CMKLR1: variants seen among roughly 807,000 people sequenced by gnomAD.
The protein encoded by CMKLR1 is chemerin-like receptor 1.
Under a neutral mutation model 8.2 loss-of-function variants are expected in CMKLR1, and 6 were observed. The observed-to-expected ratio is 0.73, with a 90% CI of 0.40 to 1.44. The LOEUF (loss-of-function observed/expected upper bound fraction) is 1.44, where lower values mean the gene tolerates loss of function less well. Ranked by LOEUF, CMKLR1 falls within the 40% of genes most tolerant of loss-of-function variation. CMKLR1 has a pLI of 0.02. For missense variants in CMKLR1, 429 were observed against 478.0 expected, an observed-to-expected ratio of 0.90 and a Z score of 0.96; for synonymous variants, 178 against 181.2, an observed-to-expected ratio of 0.98 and a Z score of 0.14.
At chr12:108,331,108 T>C (rs1196633201) in intron 1 of CMKLR1, among the ~76,000 whole-genome samples, 1 of 152,154 alleles carries the variant, frequency 6.6e-6, no homozygotes, top group Non-Finnish European at 1.5e-5. Context: ...AAATCACCAG[T>C]ACCTGGGATG....
chr12:108,308,995 G>C (rs1384410780), intron 2 of CMKLR1, among the ~76,000 whole-genome samples: 1 of 152,136 alleles, frequency 6.6e-6, no homozygotes, highest in Non-Finnish European at 1.5e-5. Context: ...CACATCTGGA[G>C]CCAGACTGCC....
Position 108,290,053 on chromosome 12 carries a change from T to G in CMKLR1, c.*1788A>C, listed in dbSNP as rs369436101. On this transcript the variant is annotated 3_prime_UTR_variant, in exon 4 of 4. Coordinates refer to ENST00000550402, the MANE Select transcript of CMKLR1 (RefSeq NM_001142343.2). ...CCCATTGCCTTGATCTCTGGAGACA[T>G]AGGAGGTGGGAGCCACGGTAGGAGG... 5 of 152,338 alleles carry G rather than the reference T, an allele frequency of 3.3e-5. No individual in the cohort carries two copies. The highest frequency in any genetic ancestry group is 4.1e-4 in the South Asian group (2 of 4,826). The allele number at this position is 152,338 out of a possible 1,614,324, so 9.4% of individuals were successfully genotyped here. A position where few individuals can be genotyped will look rare whatever the true frequency, so the allele number is the denominator to read the frequency against.
At chr12:108,299,027 A>G (rs376038365) in intron 2 of CMKLR1, among the ~76,000 whole-genome samples, 1 of 152,222 alleles carries the variant, frequency 6.6e-6, no homozygotes, top group South Asian at 2.1e-4. Context: ...TCAGATGTGC[A>G]ATCTGCAAAA....
At chr12:108,305,990 G>T (rs1032933637) in intron 2 of CMKLR1, among the ~76,000 whole-genome samples, 1 of 152,120 alleles carries the variant, frequency 6.6e-6, no homozygotes, top group Admixed American at 6.5e-5. Flanking sequence ...AAATATTCAC[G>T]CCACTGCCTG....
At chr12:108,313,258 CCCCCACCCTA>C (rs1434674113) in intron 2 of CMKLR1, among the ~76,000 whole-genome samples, 5 of 151,902 alleles carry the variant, frequency 3.3e-5, no homozygotes, top group South Asian at 2.1e-4. Context: ...GAAAAATTGC[CCCCCACCCTA>C]CCCCACCCCA....
chr12:108,322,424 A>T (rs987294882), intron 2 of CMKLR1, among the ~76,000 whole-genome samples: 1 of 152,164 alleles, frequency 6.6e-6, no homozygotes, highest in Non-Finnish European at 1.5e-5. Flanking sequence ...ATCCCAACTC[A>T]GTTCACAACT....
At position 108,334,521 on chromosome 12, in the gene CMKLR1, C is replaced by T. The variant is rs567206310; in HGVS notation, c.-286-4314G>A. On this transcript the variant is annotated intron_variant, in intron 1 of 3. Coordinates refer to ENST00000550402, the MANE Select transcript of CMKLR1 (RefSeq NM_001142343.2). ...CACCCCAGGACCTAGGACAACCACC[C>T]AGCTGCCTTACAGTCAGCAGCCTTG... Among the ~76,000 whole-genome samples the T allele has an allele frequency of 1.3e-4, 20 of 152,340 alleles. No individual in the cohort carries two copies. The South Asian group carries it at 3.9e-3, about 30-fold the overall frequency.
intron 2 of CMKLR1, among the ~76,000 whole-genome samples, chr12:108,293,946 G>A (rs867501504): frequency 1.3e-5 from 2 of 152,048 alleles, no homozygotes; most frequent in Non-Finnish European, 2.9e-5. Context: ...AGCTGGAGTC[G>A]GGCATGAGTA....
intron 2 of CMKLR1, among the ~76,000 whole-genome samples, chr12:108,301,052 A>T (rs890512204): frequency 6.6e-6 from 1 of 150,702 alleles, no homozygotes; most frequent in Middle Eastern, 3.2e-3. Flanking sequence ...TTCTGACCAC[A>T]ATCAGCATCC....
Position 108,291,737 on chromosome 12 carries a change from G to C in CMKLR1, c.*104C>G, listed in dbSNP as rs988888090. 2.5e-6 allele frequency: 3 copies of C among 1,197,932 alleles called. No homozygotes were observed. The Admixed American group carries it at 6.7e-5, about 27-fold the overall frequency. The allele number at this position is 1,197,932 out of a possible 1,614,324, so 74.2% of individuals were successfully genotyped here. A position where few individuals can be genotyped will look rare whatever the true frequency, so the allele number is the denominator to read the frequency against. On this transcript the variant is annotated 3_prime_UTR_variant, in exon 4 of 4. Transcript: ENST00000550402. ...CTGTTCATCCCATGCAAAATGCAGT[G>C]AAAATTGGTGGATGCTAAAGAGGTT...
intron 2 of CMKLR1, among the ~76,000 whole-genome samples, chr12:108,327,831 G>C (rs1030804068): frequency 6.6e-6 from 1 of 152,202 alleles, no homozygotes; most frequent in African/African-American, 2.4e-5. Flanking sequence ...GGGCTTCCTG[G>C]GCCCCGGGAA....
intron 2 of CMKLR1, among the ~76,000 whole-genome samples, chr12:108,294,687 C>T (rs1891084469): frequency 1.3e-5 from 2 of 152,128 alleles, no homozygotes; most frequent in African/African-American, 4.8e-5. Context: ...CCTAGAGGTG[C>T]ACAGCTGATA....
rs781609271 is a variant in CMKLR1 at position 108,292,378 on chromosome 12, C to T, written c.585G>A (p.Leu195=). The T allele has an allele frequency of 4.2e-5, 68 of 1,614,142 alleles. No homozygotes were observed. The highest frequency in any genetic ancestry group is 5.3e-5 in the Non-Finnish European group (63 of 1,180,030). The change falls in exon 4 of 4, where the codon CTG becomes CTA. Residue 195 remains leucine, a synonymous_variant. Transcript: ENST00000550402. ...GKISCFNNFS[L]STPGSSSWPT... ...GCCACGAGGAAGACCCAGGTGTGGACAGGCTGAAGTTGTTGAAGCAGGATA... is the reference window on the plus strand; with the variant it reads ...GCCACGAGGAAGACCCAGGTGTGGATAGGCTGAAGTTGTTGAAGCAGGATA...
In CMKLR1 at chr12:108,316,837, G is replaced by T. The variant is rs757609634; in HGVS notation, c.-74+13158C>A. 2.6e-5 allele frequency among the ~76,000 whole-genome samples: 4 copies of T among 152,192 alleles called. No individual in the cohort carries two copies. The East Asian group carries it at 5.8e-4, about 22-fold the overall frequency. The stretch of plus-strand genomic sequence containing the variant: ...TTTGGGATGGAAAGCCACAGGCACC[G>T]GTTGGAACCGCCAGTGGGAGCTCAA... On this transcript the variant is annotated intron_variant, in intron 2 of 3. Transcript: ENST00000550402.
chr12:108,295,448 G>A (rs1891108853), intron 2 of CMKLR1, among the ~76,000 whole-genome samples: 1 of 152,222 alleles, frequency 6.6e-6, no homozygotes, highest in South Asian at 2.1e-4. Flanking sequence ...GCCAAACGGT[G>A]CAGGCACCAG....
chr12:108,338,267 T>A (rs921096326), intron 1 of CMKLR1, among the ~76,000 whole-genome samples: 6 of 152,010 alleles, frequency 3.9e-5, no homozygotes, highest in Non-Finnish European at 8.8e-5. Flanking sequence ...TAGATATCAA[T>A]TGGAAAAAGA....
At chr12:108,328,680 A>G (rs527842891) in intron 2 of CMKLR1, among the ~76,000 whole-genome samples, 1 of 152,300 alleles carries the variant, frequency 6.6e-6, no homozygotes, top group Admixed American at 6.5e-5. Flanking sequence ...TGTCATAAAA[A>G]AGACTGAAAA....
At chr12:108,338,666 T>C (rs939050028) in intron 1 of CMKLR1, among the ~76,000 whole-genome samples, 2 of 150,930 alleles carry the variant, frequency 1.3e-5, no homozygotes, top group Admixed American at 1.3e-4. Flanking sequence ...ACTGTTCTAA[T>C]AAAAAAAAAG....
At chr12:108,314,313 G>T (rs1415565332) in intron 2 of CMKLR1, among the ~76,000 whole-genome samples, 6 of 152,128 alleles carry the variant, frequency 3.9e-5, no homozygotes, top group Non-Finnish European at 8.8e-5. Context: ...CTGAAAGGGG[G>T]ACCCAGTTAC....
Sources: gnomAD v4.1 joint callset for allele counts (sites outside exome capture counted in the v4.1 genomes callset) on GRCh38, gnomAD v4.1.1 for gene constraint, MANE v1.5 for transcripts, NCBI Gene and HGNC (gene_info 2026-07-23, HGNC 2026-07-21) for gene names.